Variants in FAM162A observed in about 807,000 individuals in gnomAD.
FAM162A encodes the protein protein FAM162A.
A neutral mutation model predicts 21.8 loss-of-function variants in FAM162A; 23 were observed. That is an observed-to-expected ratio of 1.05 (90% CI 0.76 to 1.49). FAM162A has a LOEUF of 1.49. Among genes scored for constraint, FAM162A ranks in the 40% most tolerant of loss-of-function variants. FAM162A has a pLI of 0.00. For synonymous variants in FAM162A, 53 were observed against 61.3 expected, an observed-to-expected ratio of 0.86 and a Z score of 0.64; for missense variants, 165 against 186.4, an observed-to-expected ratio of 0.89 and a Z score of 0.67.
chr3:122,402,372 A>C (rs2075657107), intron 1 of FAM162A, among the ~76,000 whole-genome samples: 1 of 152,126 alleles, frequency 6.6e-6, no homozygotes. Context: ...GTTTATCAGC[A>C]TCGTATTGGC....
chr3:122,396,288 T>C (rs900409486), intron 1 of FAM162A, among the ~76,000 whole-genome samples: 8 of 152,004 alleles, frequency 5.3e-5, no homozygotes, highest in Admixed American at 4.6e-4. Context: ...GAAAGAACTC[T>C]TACAACTCAA....
chr3:122,392,723 G>A (rs1470777344), intron 1 of FAM162A, among the ~76,000 whole-genome samples: 3 of 152,224 alleles, frequency 2.0e-5, no homozygotes, highest in African/African-American at 7.2e-5. Context: ...AAGATCACAG[G>A]ATTTAATAAT....
At chr3:122,401,346 T>C in intron 1 of FAM162A, 2 of 994,250 alleles carry the variant, frequency 2.0e-6, no homozygotes, top group Non-Finnish European at 1.2e-6. Flanking sequence ...CCAACATGAT[T>C]ATATAGACAG....
rs945213366 is a variant in FAM162A, at chr3:122,403,896, T to A, written c.158-362T>A. On this transcript the variant is annotated intron_variant, in intron 2 of 4. Transcript: ENST00000477892. ...TTTCTGTCTCCATCCATTGTACAGA[T>A]AATAAGCCTTCCTAAAACATTAGTT... is the stretch of plus-strand genomic sequence containing the variant. Among the ~76,000 whole-genome samples the A allele has an allele frequency of 5.9e-5, 9 of 152,344 alleles. No homozygotes were observed. In the East Asian group the frequency reaches 9.6e-4, roughly 16 times the overall value.
At chr3:122,399,470 G>T (rs550813626) in intron 1 of FAM162A, among the ~76,000 whole-genome samples, 1 of 152,240 alleles carries the variant, frequency 6.6e-6, no homozygotes, top group Non-Finnish European at 1.5e-5. Context: ...TGGGATTACA[G>T]GCATGCACCA....
rs550109328 is a variant in FAM162A, at chr3:122,411,258, A to G, written c.*1427A>G. ...GTAACATACTACCTATAGCTTGATAATCTATCTGAGGATGTTTATGATGTC... is the reference window on the plus strand; with the variant it reads ...GTAACATACTACCTATAGCTTGATAGTCTATCTGAGGATGTTTATGATGTC... On this transcript the variant is annotated 3_prime_UTR_variant, in exon 5 of 5. Transcript: ENST00000477892. 6.6e-6 allele frequency: 1 copy of G among 152,232 alleles called. No individual in the cohort carries two copies. Among genetic ancestry groups the G allele is most frequent in the Non-Finnish European group, 1.5e-5 (1 of 68,034 alleles). The allele number at this position is 152,232 out of a possible 1,614,324, so 9.4% of individuals were successfully genotyped here.
At chr3:122,397,065 A>G (rs751515061) in intron 1 of FAM162A, among the ~76,000 whole-genome samples, 12 of 152,188 alleles carry the variant, frequency 7.9e-5, no homozygotes, top group Non-Finnish European at 1.3e-4. Context: ...AAAACCACCA[A>G]ATTTCACACT....
intron 1 of FAM162A, among the ~76,000 whole-genome samples, chr3:122,387,130 C>T (rs2075578096): frequency 6.6e-6 from 1 of 152,180 alleles, no homozygotes; most frequent in Non-Finnish European, 1.5e-5. Context: ...TAGGAAATAT[C>T]TTGGAACATG....
Position 122,411,129 on chromosome 3 carries a change from AT to A in FAM162A, c.*1299del, listed in dbSNP as rs1453411272. On this transcript the variant is annotated 3_prime_UTR_variant, in exon 5 of 5. Transcript: ENST00000477892. ...CCAGAGGGTAAGGGGTGACTACTGT[AT>A]ACAGCCATGCCAACATGCTGGTTCT... 1 of 152,222 alleles carries A rather than the reference AT, an allele frequency of 6.6e-6. No homozygotes were observed. Among genetic ancestry groups the A allele is most frequent in the African/African-American group, 2.4e-5 (1 of 41,436 alleles). 9.4% of individuals were successfully genotyped at this position (152,222 alleles called of 1,614,324 possible). A position where few individuals can be genotyped will look rare whatever the true frequency, so the allele number is the denominator to read the frequency against.
chr3:122,388,005 A>G (rs537762067), intron 1 of FAM162A, among the ~76,000 whole-genome samples: 1 of 152,322 alleles, frequency 6.6e-6, no homozygotes, highest in African/African-American at 2.4e-5. Context: ...GGTAAAGTGT[A>G]GTGTTTGGAG....
At chr3:122,389,191 A>T (rs1481042077) in intron 1 of FAM162A, among the ~76,000 whole-genome samples, 1 of 152,218 alleles carries the variant, frequency 6.6e-6, no homozygotes, top group Non-Finnish European at 1.5e-5. Flanking sequence ...CATGCCATTT[A>T]TTCAATCATT....
chr3:122,388,011 T>G (rs1039754360), intron 1 of FAM162A, among the ~76,000 whole-genome samples: 1 of 152,136 alleles, frequency 6.6e-6, no homozygotes, highest in African/African-American at 2.4e-5. Context: ...GTGTAGTGTT[T>G]GGAGACGTTT....
Position 122,409,792 on chromosome 3 carries a change from T to A in FAM162A, c.426T>A (p.Arg142=). 6.2e-7 allele frequency: 1 copy of A among 1,614,006 alleles called. No individual in the cohort carries two copies. The highest frequency in any genetic ancestry group is 8.5e-7 in the Non-Finnish European group (1 of 1,179,956). ...LTSLNLEKKA[R]LKEEAAMKAK... ...GCTTGAACTTAGAAAAGAAAGCTCG[T>A]CTGAAAGAGGAAGCAGCTATGAAGG... Residue 142 remains arginine, a synonymous_variant, in exon 5 of 5, where the codon CGT becomes CGA. Transcript: ENST00000477892.
chr3:122,395,415 A>G (rs1344752169), intron 1 of FAM162A, among the ~76,000 whole-genome samples: 3 of 152,260 alleles, frequency 2.0e-5, no homozygotes, highest in Admixed American at 2.0e-4. Flanking sequence ...AGTATGCAAG[A>G]TAAATGGGCA....
rs1162016480 is a variant in FAM162A, at chr3:122,402,837, A to T, written c.112A>T (p.Asn38Tyr). ...LTRSSDLKRI[N>Y]GFCTKPQESP... ...CAGAAGCTCTGATTTGAAGAGAATA[A>T]ATGGATTTTGCACAAAACCACAGGA... Residue 38 changes from asparagine to tyrosine, a missense_variant, in exon 2 of 5, where the codon AAT (asparagine) becomes TAT (tyrosine). Asn to Tyr is a moderately radical substitution (Grantham distance 143). Transcript: ENST00000477892. 6.2e-7 allele frequency: 1 copy of T among 1,605,356 alleles called. No individual in the cohort carries two copies. The highest frequency in any genetic ancestry group is 1.3e-5 in the African/African-American group (1 of 74,816).
At position 122,411,697 on chromosome 3, in the gene FAM162A, G is replaced by C. The variant is rs2075705853; in HGVS notation, c.*1866G>C. On this transcript the variant is annotated 3_prime_UTR_variant, in exon 5 of 5. Transcript: ENST00000477892. The stretch of plus-strand genomic sequence containing the variant: ...GCCTCCTCAGTAACTGGCATTATAG[G>C]TGTGCACCACCACACCTGGCTAATT... 1.3e-5 allele frequency: 2 copies of C among 151,926 alleles called. No homozygotes were observed. Among genetic ancestry groups the C allele is most frequent in the South Asian group, 4.2e-4 (2 of 4,806 alleles). 9.4% of individuals were successfully genotyped at this position (151,926 alleles called of 1,614,324 possible). A position where few individuals can be genotyped will look rare whatever the true frequency, so the allele number is the denominator to read the frequency against.
intron 1 of FAM162A, among the ~76,000 whole-genome samples, chr3:122,387,791 C>A (rs1461383042): frequency 6.6e-6 from 1 of 152,028 alleles, no homozygotes; most frequent in African/African-American, 2.4e-5. Context: ...TTGCAATGAA[C>A]AAACAAACAT....
At chr3:122,405,418 TA>T (rs1384728252) in intron 3 of FAM162A, among the ~76,000 whole-genome samples, 1 of 152,218 alleles carries the variant, frequency 6.6e-6, no homozygotes, top group East Asian at 1.9e-4. Context: ...CACATTACTT[TA>T]ACTAGAATTA....
At chr3:122,394,477 A>G (rs991328859) in intron 1 of FAM162A, among the ~76,000 whole-genome samples, 3 of 152,208 alleles carry the variant, frequency 2.0e-5, no homozygotes, top group African/African-American at 7.2e-5. Context: ...CTCTGTGGCC[A>G]AACACACAAA....
Sources: allele counts gnomAD v4.1 joint callset (sites outside exome capture counted in the v4.1 genomes callset), GRCh38; gene constraint gnomAD v4.1.1; transcripts MANE v1.5; gene names NCBI Gene and HGNC (gene_info 2026-07-23, HGNC 2026-07-21).